Variants in BLTP3A observed in about 807,000 individuals in gnomAD.
BLTP3A encodes ICBP90 binding protein 1.
chr6:34,795,982 C>T, the BLTP3A span, among the ~76,000 whole-genome samples: 1 of 152,156 alleles, frequency 6.6e-6, no homozygotes, highest in Non-Finnish European at 1.5e-5. Context: ...GCTGCCTAAT[C>T]ACATGTGACA....
chr6:34,872,534 C>A, the BLTP3A span: 1 of 1,426,180 alleles, frequency 7.0e-7, no homozygotes, highest in Non-Finnish European at 9.2e-7. Flanking sequence ...GAATAAGTCA[C>A]TACGGATGCC....
chr6:34,862,706 C>T, the BLTP3A span, among the ~76,000 whole-genome samples: 6 of 151,274 alleles, frequency 4.0e-5, no homozygotes, highest in African/African-American at 1.5e-4. Context: ...TGTTGGCATG[C>T]ACCTGTAGTC....
chr6:34,856,994 A>T, the BLTP3A span: 1 of 1,567,766 alleles, frequency 6.4e-7, no homozygotes. Context: ...CAGCTGGAAC[A>T]GTATAAACAA....
the BLTP3A span, chr6:34,858,825 G>C: frequency 1.2e-6 from 2 of 1,614,080 alleles, no homozygotes; most frequent in Non-Finnish European, 1.7e-6. Context: ...TACATTCCCC[G>C]GCCCATGTCC....
At chr6:34,809,736 A>C in the BLTP3A span, among the ~76,000 whole-genome samples, 1 of 151,654 alleles carries the variant, frequency 6.6e-6, no homozygotes, top group Non-Finnish European at 1.5e-5. Flanking sequence ...TTGTATTTTT[A>C]GTAGGGACGG....
At chr6:34,856,411 T>C in the BLTP3A span, 1 of 1,613,582 alleles carries the variant, frequency 6.2e-7, no homozygotes, top group African/African-American at 1.3e-5. Context: ...GAAAAGCAGG[T>C]GGGTTATGAG....
chr6:34,824,127 GAGACTGTTT>G, the BLTP3A span, among the ~76,000 whole-genome samples: 1 of 151,968 alleles, frequency 6.6e-6, no homozygotes, highest in Admixed American at 6.6e-5. Context: ...AGTTTTGGTA[GAGACTGTTT>G]CACCATGTTG....
the BLTP3A span, among the ~76,000 whole-genome samples, chr6:34,795,042 C>A: frequency 6.6e-6 from 1 of 152,058 alleles, no homozygotes; most frequent in African/African-American, 2.4e-5. Context: ...CTGCCTCGGC[C>A]TCCCAAAGTG....
the BLTP3A span, chr6:34,855,874 C>T: frequency 1.0e-6 from 1 of 985,340 alleles, no homozygotes; most frequent in Non-Finnish European, 1.2e-6. Context: ...CTTGCAGGTT[C>T]CACTATTGAT....
the BLTP3A span, chr6:34,859,121 C>T: frequency 1.9e-6 from 3 of 1,614,078 alleles, no homozygotes; most frequent in African/African-American, 2.7e-5. Context: ...GATGCCTCAT[C>T]AGACCAGGGC....
At chr6:34,839,387 T>C in the BLTP3A span, among the ~76,000 whole-genome samples, 1 of 152,168 alleles carries the variant, frequency 6.6e-6, no homozygotes. Context: ...CTAGGTAATA[T>C]AGAAAGGGCT....
chr6:34,870,769 G>C, the BLTP3A span: 14 of 1,485,814 alleles, frequency 9.4e-6, no homozygotes, highest in East Asian at 3.0e-4. Flanking sequence ...CTTTGACATA[G>C]GGTTATTATG....
chr6:34,811,642 G>T, the BLTP3A span, among the ~76,000 whole-genome samples: 6 of 151,612 alleles, frequency 4.0e-5, no homozygotes, highest in East Asian at 1.2e-3. Context: ...TTGAGGTCAG[G>T]AGTTCGAGAC....
At chr6:34,794,776 C>A in the BLTP3A span, among the ~76,000 whole-genome samples, 3 of 143,536 alleles carry the variant, frequency 2.1e-5, no homozygotes, top group South Asian at 4.3e-4. Context: ...CTCCTATGAA[C>A]GTAGAGTTTT....
the BLTP3A span, among the ~76,000 whole-genome samples, chr6:34,836,665 C>A: frequency 6.6e-6 from 1 of 152,122 alleles, no homozygotes; most frequent in East Asian, 1.9e-4. Context: ...TTTCCCCTCA[C>A]CAAAGTTCCT....
At chr6:34,848,018 C>T in the BLTP3A span, among the ~76,000 whole-genome samples, 1 of 146,198 alleles carries the variant, frequency 6.8e-6, no homozygotes. Flanking sequence ...CTCCTGGGCT[C>T]AGATGATCCT....
chr6:34,806,081 G>A, the BLTP3A span, among the ~76,000 whole-genome samples: 689 of 152,306 alleles, frequency 4.5e-3, 4 homozygotes, highest in African/African-American at 0.016. Context: ...AGACATATTA[G>A]AGTTGATTTG....
chr6:34,871,784 G>T, the BLTP3A span: 1 of 1,612,556 alleles, frequency 6.2e-7, no homozygotes. Flanking sequence ...GTTGGCAGCA[G>T]TTTGTCACTT....
chr6:34,809,960 ATAAAG>A, the BLTP3A span, among the ~76,000 whole-genome samples: 1 of 152,222 alleles, frequency 6.6e-6, no homozygotes. Flanking sequence ...TATTCTTACA[ATAAAG>A]TAAGCCAGAG....
Sources: gnomAD v4.1 joint callset for allele counts (sites outside exome capture counted in the v4.1 genomes callset) on GRCh38, gnomAD v4.1.1 for gene constraint, MANE v1.5 for transcripts, NCBI Gene and HGNC (gene_info 2026-07-23, HGNC 2026-07-21) for gene names.